Variants in MTUS2 observed in about 807,000 individuals in gnomAD.
The protein encoded by MTUS2 is microtubule associated scaffold protein 2.
Under a neutral mutation model 114.1 loss-of-function variants are expected in MTUS2, and 40 were observed. The ratio of observed to expected loss-of-function variants is 0.35; its 90% confidence interval spans 0.27 to 0.46. MTUS2 has a LOEUF of 0.46. Among genes scored for constraint, MTUS2 ranks in the 20% least tolerant of loss-of-function variants. The probability of loss-of-function intolerance (pLI) is 1.00; values close to 1 mark genes in which losing one functional copy is unlikely to be tolerated. For missense variants in MTUS2, 1,679 were observed against 1,705.4 expected, an observed-to-expected ratio of 0.98 and a Z score of 0.27; for synonymous variants, 688 against 672.0, an observed-to-expected ratio of 1.02 and a Z score of -0.37.
At chr13:29,429,846 C>T (rs1465667854) in intron 8 of MTUS2, among the ~76,000 whole-genome samples, 1 of 152,110 alleles carries the variant, frequency 6.6e-6, no homozygotes, top group Non-Finnish European at 1.5e-5. Context: ...ACATGCTCAT[C>T]AAAAAGCGGT....
intron 8 of MTUS2, among the ~76,000 whole-genome samples, chr13:29,418,725 C>T (rs539107319): frequency 2.0e-5 from 3 of 152,186 alleles, no homozygotes; most frequent in Non-Finnish European, 2.9e-5. Flanking sequence ...GAAGAAGGAT[C>T]ACAGAGTTCT....
At chr13:29,439,961 G>A in intron 8 of MTUS2, 22 bp from the exon 9 acceptor site, 1 of 1,561,640 alleles carries the variant, frequency 6.4e-7, no homozygotes, top group South Asian at 1.2e-5. Flanking sequence ...GGGACTCTCG[G>A]TATCCGTTTT....
chr13:29,033,761 C>A, intron 3 of MTUS2, 124 bp from the exon 4 acceptor site: 1 of 1,185,538 alleles, frequency 8.4e-7, no homozygotes, highest in Non-Finnish European at 1.2e-6. Flanking sequence ...AGGTAGGGGA[C>A]TTGTGATCAA....
chr13:29,036,311 TG>T (rs1887070129), intron 4 of MTUS2, among the ~76,000 whole-genome samples: 1 of 152,196 alleles, frequency 6.6e-6, no homozygotes, highest in South Asian at 2.1e-4. Context: ...CAGAAAGCTG[TG>T]GCGAAGAAGA....
intron 2 of MTUS2, among the ~76,000 whole-genome samples, chr13:28,875,182 A>T (rs1036219294): frequency 2.0e-5 from 3 of 151,950 alleles, no homozygotes; most frequent in African/African-American, 7.3e-5. Context: ...AAAGCACCAG[A>T]TAGCACAGTA....
In MTUS2 at chr13:28,896,784, A is replaced by C. The variant is rs560687596; in HGVS notation, c.-243+56934A>C. Reference sequence around the variant, plus strand: ...CCATCTGATCTTTGACAAACCTGACAAAAACAAGAAATGGAGAAAGGATTC... The same window carrying C: ...CCATCTGATCTTTGACAAACCTGACCAAAACAAGAAATGGAGAAAGGATTC... On this transcript the variant is annotated intron_variant, in intron 2 of 15. Transcript: ENST00000612955. Among the ~76,000 whole-genome samples, 110 of 152,364 alleles carry C rather than the reference A, an allele frequency of 7.2e-4. 2 individuals are homozygous for C. In the South Asian group the frequency reaches 0.023, roughly 31 times the overall value.
chr13:29,280,582 G>A (rs1190862773), intron 5 of MTUS2, among the ~76,000 whole-genome samples: 1 of 152,092 alleles, frequency 6.6e-6, no homozygotes, highest in Non-Finnish European at 1.5e-5. Flanking sequence ...TTTTATGCAG[G>A]CCTTATCTAA....
chr13:29,444,903 C>T (rs1334842420), intron 9 of MTUS2, among the ~76,000 whole-genome samples: 3 of 152,208 alleles, frequency 2.0e-5, no homozygotes, highest in African/African-American at 4.8e-5. Context: ...CCTTCCTTTG[C>T]CTTTGCCTGT....
At chr13:29,055,412 G>A (rs555822764) in intron 4 of MTUS2, among the ~76,000 whole-genome samples, 1 of 152,200 alleles carries the variant, frequency 6.6e-6, no homozygotes, top group East Asian at 1.9e-4. Context: ...TACATGAGCA[G>A]CTTTGTTATA....
At chr13:29,053,432 A>C (rs963951279) in intron 4 of MTUS2, among the ~76,000 whole-genome samples, 6 of 152,212 alleles carry the variant, frequency 3.9e-5, no homozygotes, top group African/African-American at 1.4e-4. Flanking sequence ...TGGAAGGCCC[A>C]GTTCACAGTG....
chr13:29,054,223 T>C (rs1251562390), intron 4 of MTUS2, among the ~76,000 whole-genome samples: 2 of 152,206 alleles, frequency 1.3e-5, no homozygotes, highest in Non-Finnish European at 2.9e-5. Flanking sequence ...TTTGGTGAAG[T>C]GTGTGTTCAA....
rs546172971 is a variant in MTUS2 at position 29,497,413 on chromosome 13, C to T, written c.3678+77C>T. On this transcript the variant is annotated intron_variant, in intron 13 of 15. Transcript: ENST00000612955. Reference sequence around the variant, plus strand: ...GGCCGAGGGACTCCCTCAGCAGTCTCGTCCCAAGACAAGGCCTCTCTGTGA... The same window carrying T: ...GGCCGAGGGACTCCCTCAGCAGTCTTGTCCCAAGACAAGGCCTCTCTGTGA... The T allele has an allele frequency of 6.2e-6, 8 of 1,293,328 alleles. 1 individual carries two copies. Among genetic ancestry groups the T allele is most frequent in the African/African-American group, 3.0e-5 (2 of 67,766 alleles). The allele number at this position is 1,293,328 out of a possible 1,614,324, so 80.1% of individuals were successfully genotyped here.
chr13:29,040,542 T>C (rs1368032368), intron 4 of MTUS2, among the ~76,000 whole-genome samples: 3 of 152,210 alleles, frequency 2.0e-5, no homozygotes, highest in African/African-American at 7.2e-5. Flanking sequence ...TCCACACTGC[T>C]TTCTATAGTG....
intron 5 of MTUS2, among the ~76,000 whole-genome samples, chr13:29,105,086 T>A (rs1890598435): frequency 6.6e-6 from 1 of 152,222 alleles, no homozygotes; most frequent in Non-Finnish European, 1.5e-5. Context: ...AAATAGTCAC[T>A]GGAGCATTTT....
chr13:29,418,449 C>T (rs1246997629), intron 8 of MTUS2, among the ~76,000 whole-genome samples: 1 of 152,178 alleles, frequency 6.6e-6, no homozygotes, highest in Non-Finnish European at 1.5e-5. Context: ...CAGAACTTTT[C>T]TGCTCATACA....
chr13:29,430,374 T>C lies in MTUS2; in HGVS notation c.3118-9609T>C, dbSNP rs113145403. Among the ~76,000 whole-genome samples, 429 of 152,314 alleles carry C rather than the reference T, an allele frequency of 2.8e-3. 1 individual carries two copies. The highest frequency in any genetic ancestry group is 1.0e-2 in the African/African-American group (414 of 41,588). Reference sequence around the variant, plus strand: ...TAAATCAAGTTCTTGAAAATGATTATCCCTATGTCATTCTTGAATTCAGAG... The same window carrying C: ...TAAATCAAGTTCTTGAAAATGATTACCCCTATGTCATTCTTGAATTCAGAG... On this transcript the variant is annotated intron_variant, in intron 8 of 15. Coordinates refer to ENST00000612955, the MANE Select transcript of MTUS2 (RefSeq NM_001033602.4).
chr13:29,008,171 C>T (rs1331876380), intron 2 of MTUS2, among the ~76,000 whole-genome samples: 1 of 152,138 alleles, frequency 6.6e-6, no homozygotes, highest in Middle Eastern at 3.2e-3. Context: ...GATTCAGTAA[C>T]TCCTGATTGT....
intron 7 of MTUS2, among the ~76,000 whole-genome samples, chr13:29,352,050 C>T (rs1298604356): frequency 6.6e-6 from 1 of 152,152 alleles, no homozygotes; most frequent in Non-Finnish European, 1.5e-5. Flanking sequence ...TCTCTTTTTG[C>T]ATGCATCTGC....
intron 4 of MTUS2, among the ~76,000 whole-genome samples, chr13:29,052,912 T>C (rs1272710590): frequency 6.6e-6 from 1 of 152,150 alleles, no homozygotes; most frequent in Admixed American, 6.5e-5. Flanking sequence ...AGTGAGTTAG[T>C]TCTCATGAGA....
Sources: allele counts gnomAD v4.1 joint callset (sites outside exome capture counted in the v4.1 genomes callset), GRCh38; gene constraint gnomAD v4.1.1; transcripts MANE v1.5; gene names NCBI Gene and HGNC (gene_info 2026-07-23, HGNC 2026-07-21).